Variants in SLC25A13 observed in about 807,000 individuals in gnomAD.
The protein encoded by SLC25A13 is electrogenic aspartate/glutamate antiporter SLC25A13, mitochondrial.
In SLC25A13, 70 loss-of-function variants were observed where a neutral mutation model predicts 85.5. The ratio of observed to expected loss-of-function variants is 0.82; its 90% CI spans 0.68 to 1.00. SLC25A13 has a LOEUF of 1.00. SLC25A13 is among the 50% of genes least tolerant of loss of function. SLC25A13 has a pLI of 0.00. For synonymous variants in SLC25A13, 259 were observed against 288.7 expected, an observed-to-expected ratio of 0.90 and a Z score of 1.04; for missense variants, 765 against 819.8, an observed-to-expected ratio of 0.93 and a Z score of 0.82.
At chr7:96,182,873 T>G (rs975635249) in intron 11 of SLC25A13, among the ~76,000 whole-genome samples, 1 of 152,184 alleles carries the variant, frequency 6.6e-6, no homozygotes, top group Non-Finnish European at 1.5e-5. Flanking sequence ...AAAAAGTAGT[T>G]TATGAAGCAA....
chr7:96,168,937 TTTGA>T (rs1472752901), intron 13 of SLC25A13, among the ~76,000 whole-genome samples: 1 of 152,176 alleles, frequency 6.6e-6, no homozygotes, highest in African/African-American at 2.4e-5. Flanking sequence ...TAAAATTCTC[TTTGA>T]TTATTATTGT....
chr7:96,181,789 G>A (rs1794429410), intron 11 of SLC25A13, among the ~76,000 whole-genome samples: 1 of 152,126 alleles, frequency 6.6e-6, no homozygotes, highest in Admixed American at 6.5e-5. Context: ...GATGTACTCT[G>A]ATACCTTCTC....
At chr7:96,239,764 T>C (rs1796897647) in intron 3 of SLC25A13, among the ~76,000 whole-genome samples, 3 of 152,218 alleles carry the variant, frequency 2.0e-5, no homozygotes, top group Admixed American at 2.0e-4. Context: ...ATGGTTCTGA[T>C]GCTACTAGAT....
At chr7:96,213,687 A>T (rs1795784969) in intron 4 of SLC25A13, among the ~76,000 whole-genome samples, 1 of 152,198 alleles carries the variant, frequency 6.6e-6, no homozygotes, top group Admixed American at 6.5e-5. Context: ...GAAGACTTTC[A>T]GGTAAGAACC....
intron 3 of SLC25A13, among the ~76,000 whole-genome samples, chr7:96,248,441 C>A (rs750280227): frequency 9.2e-5 from 14 of 152,090 alleles, no homozygotes; most frequent in African/African-American, 2.7e-4. Context: ...TAAATGAGTT[C>A]TTCTTGGTTA....
At chr7:96,262,125 A>T (rs1428640835) in intron 3 of SLC25A13, among the ~76,000 whole-genome samples, 1 of 152,192 alleles carries the variant, frequency 6.6e-6, no homozygotes, top group African/African-American at 2.4e-5. Flanking sequence ...TTTTAATTTA[A>T]GCAACTCCAC....
chr7:96,241,422 G>A lies in SLC25A13; in HGVS notation c.213-6505C>T, dbSNP rs558448146. 3.3e-5 allele frequency among the ~76,000 whole-genome samples: 5 copies of A among 152,226 alleles called. No individual in the cohort carries two copies. The South Asian group carries it at 6.2e-4, about 19-fold the overall frequency. ...ACCTCAATATACAACAATATGTGAT[G>A]GACTGAATACAGAACATTGATATGC... is the stretch of plus-strand genomic sequence containing the variant. On this transcript the variant is annotated intron_variant, in intron 3 of 17. Transcript: ENST00000265631.
At chr7:96,286,445 T>C (rs11771303) in intron 2 of SLC25A13, among the ~76,000 whole-genome samples, 1 of 152,202 alleles carries the variant, frequency 6.6e-6, no homozygotes, top group Non-Finnish European at 1.5e-5. Context: ...CTTTACTTTG[T>C]ATGTGTTGTT....
intron 13 of SLC25A13, among the ~76,000 whole-genome samples, chr7:96,164,891 G>C (rs908619554): frequency 6.6e-6 from 1 of 152,130 alleles, no homozygotes; most frequent in African/African-American, 2.4e-5. Flanking sequence ...GTATGGCTTG[G>C]AGAGACAGGT....
chr7:96,155,793 T>C (rs1275845836), intron 13 of SLC25A13, among the ~76,000 whole-genome samples: 1 of 152,204 alleles, frequency 6.6e-6, no homozygotes, highest in Non-Finnish European at 1.5e-5. Context: ...GGCACTGTGC[T>C]AAACTCTTCA....
In SLC25A13 at chr7:96,184,234, G is replaced by T. The variant is rs979727986; in HGVS notation, c.1177+43C>A. ...CACTAAGATGAGAAACCAAACCTTT[G>T]AGTGTTATTTCACCTAACAGGTATT... On this transcript the variant is annotated intron_variant, in intron 11 of 17. Transcript: ENST00000265631. 7 of 1,609,758 alleles carry T rather than the reference G, an allele frequency of 4.3e-6. No individual in the cohort carries two copies. The African/African-American group carries it at 9.4e-5, about 22-fold the overall frequency.
chr7:96,282,951 C>CA (rs557793122), intron 2 of SLC25A13, among the ~76,000 whole-genome samples: 63 of 152,200 alleles, frequency 4.1e-4, no homozygotes, highest in African/African-American at 1.4e-3. Context: ...GCTGCTGCAA[C>CA]AAAAACTCAT....
chr7:96,128,939 G>GCTCTCTCGCTCTCTCT (rs1791871399), intron 15 of SLC25A13, among the ~76,000 whole-genome samples: 1 of 81,850 alleles, frequency 1.2e-5, no homozygotes, highest in African/African-American at 4.3e-5. Context: ...TGCCTTGCTT[G>GCTCTCTCGCTCTCTCT]CTCTCTCTCT....
chr7:96,177,110 T>C (rs974749278), intron 11 of SLC25A13, among the ~76,000 whole-genome samples: 14 of 152,236 alleles, frequency 9.2e-5, no homozygotes, highest in Admixed American at 2.0e-4. Flanking sequence ...ACCTATCTTT[T>C]CAATACATAG....
At chr7:96,291,277 G>C (rs1426235011) in intron 2 of SLC25A13, among the ~76,000 whole-genome samples, 1 of 152,182 alleles carries the variant, frequency 6.6e-6, no homozygotes, top group Non-Finnish European at 1.5e-5. Context: ...CACATTTAAA[G>C]CAGTGTGTAG....
intron 2 of SLC25A13, among the ~76,000 whole-genome samples, chr7:96,292,007 G>T (rs963243430): frequency 6.6e-6 from 1 of 152,164 alleles, no homozygotes; most frequent in Non-Finnish European, 1.5e-5. Context: ...TATCCCTGAT[G>T]AACATCGATG....
intron 3 of SLC25A13, among the ~76,000 whole-genome samples, chr7:96,249,380 G>A (rs1476079429): frequency 6.6e-6 from 1 of 152,160 alleles, no homozygotes; most frequent in African/African-American, 2.4e-5. Flanking sequence ...TATACAAATA[G>A]CCACACCAAA....
chr7:96,162,294 G>A (rs976182323), intron 13 of SLC25A13, among the ~76,000 whole-genome samples: 1 of 152,100 alleles, frequency 6.6e-6, no homozygotes, highest in Non-Finnish European at 1.5e-5. Context: ...GAAATCTTAA[G>A]GGATTTCAAG....
rs368891661 is a variant in SLC25A13, at chr7:96,187,476, T to C, written c.933+1818A>G. 2.6e-5 allele frequency among the ~76,000 whole-genome samples: 4 copies of C among 152,326 alleles called. No homozygotes were observed. In the East Asian group the frequency reaches 7.7e-4, roughly 29 times the overall value. ...GTTTCCAACTGTAGCCCTATATAGA[T>C]GGAAATCAATAGTACCTTCATTTTG... On this transcript the variant is annotated intron_variant, in intron 9 of 17. Coordinates refer to ENST00000265631, the MANE Select transcript of SLC25A13 (RefSeq NM_014251.3).
Sources: allele counts gnomAD v4.1 joint callset (sites outside exome capture counted in the v4.1 genomes callset), GRCh38; gene constraint gnomAD v4.1.1; transcripts MANE v1.5; gene names NCBI Gene and HGNC (gene_info 2026-07-23, HGNC 2026-07-21).